Variants in TRIM5 observed in about 807,000 individuals in gnomAD.
TRIM5 encodes tripartite motif-containing protein 5.
TRIM5 carries 31 observed loss-of-function variants against 35.6 expected under a neutral mutation model. The ratio of observed to expected loss-of-function variants is 0.87; its 90% confidence interval spans 0.65 to 1.18. TRIM5 has a LOEUF of 1.18. TRIM5 is among the 50% of genes most tolerant of loss of function. The pLI is 0.00. For synonymous variants in TRIM5, 243 were observed against 215.6 expected (o/e 1.13, Z -1.11); for missense variants, 609 against 591.6 (o/e 1.03, Z -0.31).
At chr11:5,617,643 C>A in the TRIM5 span, among the ~76,000 whole-genome samples, 1 of 143,000 alleles carries the variant, frequency 7.0e-6, no homozygotes, top group Admixed American at 7.0e-5. Context: ...CATCAACCAC[C>A]ACGCCTGTCT....
the TRIM5 span, chr11:5,603,135 C>T: frequency 5.3e-6 from 8 of 1,495,856 alleles, no homozygotes; most frequent in East Asian, 1.8e-4. Context: ...GAATGAGAAG[C>T]CCTTGTTACC....
chr11:5,673,257 C>T (rs565519772), intron 4 of TRIM5, among the ~76,000 whole-genome samples: 6 of 152,040 alleles, frequency 3.9e-5, no homozygotes, highest in African/African-American at 1.4e-4. Context: ...AAGCAGTAAC[C>T]ATAAGACAAC....
chr11:5,681,193 A>T (rs1852417759), intron 1 of TRIM5, among the ~76,000 whole-genome samples: 1 of 152,216 alleles, frequency 6.6e-6, no homozygotes, highest in Non-Finnish European at 1.5e-5. Context: ...CTTGAGAGAG[A>T]AGTCTCAAAA....
At chr11:5,622,444 CAAAAAAA>C in the TRIM5 span, among the ~76,000 whole-genome samples, 11 of 116,438 alleles carry the variant, frequency 9.4e-5, no homozygotes, top group African/African-American at 3.6e-4. Flanking sequence ...GACTACCTCT[CAAAAAAA>C]AAAAAAAGAA....
chr11:5,595,756 C>G, the TRIM5 span, among the ~76,000 whole-genome samples: 952 of 149,422 alleles, frequency 6.4e-3, 14 homozygotes, highest in African/African-American at 0.022. Context: ...CTCGCTCTGT[C>G]TCCAGGCTGG....
At chr11:5,610,539 G>A in the TRIM5 span, 2 of 1,613,858 alleles carry the variant, frequency 1.2e-6, no homozygotes, top group Admixed American at 1.7e-5. Context: ...TTACAGAGCT[G>A]ACAGATGTCC....
At chr11:5,605,521 C>G in the TRIM5 span, 6 of 1,613,902 alleles carry the variant, frequency 3.7e-6, no homozygotes, top group Non-Finnish European at 5.1e-6. Flanking sequence ...GAGCTCATCT[C>G]GGATCTGGAG....
At chr11:5,654,329 ACT>A in the TRIM5 span, among the ~76,000 whole-genome samples, 1 of 152,068 alleles carries the variant, frequency 6.6e-6, no homozygotes, top group Non-Finnish European at 1.5e-5. Flanking sequence ...GCTTCAGATA[ACT>A]CTACAGTTTT....
At chr11:5,684,113 C>G (rs1852818091) in intron 1 of TRIM5, 1 of 167,752 alleles carries the variant, frequency 6.0e-6, no homozygotes, top group Admixed American at 6.4e-5. Flanking sequence ...AACTGTAACA[C>G]TCACTGCAAG....
intron 1 of TRIM5, among the ~76,000 whole-genome samples, chr11:5,680,980 C>T (rs995818345): frequency 6.6e-6 from 1 of 152,142 alleles, no homozygotes; most frequent in Non-Finnish European, 1.5e-5. Flanking sequence ...CCAATTAATA[C>T]CCAGAGCAAT....
the TRIM5 span, among the ~76,000 whole-genome samples, chr11:5,657,548 A>G: frequency 8.1e-6 from 1 of 123,102 alleles, no homozygotes; most frequent in Non-Finnish European, 1.6e-5. Context: ...TATATTATAT[A>G]TAATGCATTT....
At chr11:5,679,581 C>T (rs973584011) in intron 2 of TRIM5, among the ~76,000 whole-genome samples, 180 bp downstream of exon 2, 5 of 151,946 alleles carry the variant, frequency 3.3e-5, no homozygotes, top group Admixed American at 1.3e-4. Context: ...GATTATTCTC[C>T]TGTAATTGGG....
At chr11:5,644,149 G>A in the TRIM5 span, 1 of 400,134 alleles carries the variant, frequency 2.5e-6, no homozygotes. Flanking sequence ...GAATCAAGGA[G>A]AGGAAAATAT....
At chr11:5,681,945 C>G (rs60210271) in intron 1 of TRIM5, among the ~76,000 whole-genome samples, 2 of 151,598 alleles carry the variant, frequency 1.3e-5, no homozygotes, top group African/African-American at 4.9e-5. Context: ...ACCACAGGCA[C>G]GCACCACCAC....
chr11:5,629,346 T>C, the TRIM5 span, among the ~76,000 whole-genome samples: 1 of 152,204 alleles, frequency 6.6e-6, no homozygotes, highest in African/African-American at 2.4e-5. Context: ...TCATCTTAAC[T>C]TGATTACACC....
At chr11:5,596,503 C>G in the TRIM5 span, among the ~76,000 whole-genome samples, 2 of 121,564 alleles carry the variant, frequency 1.6e-5, no homozygotes, top group African/African-American at 3.2e-5. Context: ...CCCTTCCCCC[C>G]TTCCCCCGTT....
chr11:5,662,944 C>T (rs921146984), downstream of TRIM5, among the ~76,000 whole-genome samples: 1 of 152,090 alleles, frequency 6.6e-6, no homozygotes, highest in African/African-American at 2.4e-5. Context: ...GCCTGGGCAA[C>T]ATAGTGAAAC....
chr11:5,593,451 A>C, the TRIM5 span, among the ~76,000 whole-genome samples: 1 of 152,168 alleles, frequency 6.6e-6, no homozygotes. Context: ...TCTCCTGTGA[A>C]TATATTAGAG....
the TRIM5 span, among the ~76,000 whole-genome samples, chr11:5,640,031 G>T: frequency 6.6e-6 from 1 of 152,040 alleles, no homozygotes; most frequent in Non-Finnish European, 1.5e-5. Context: ...ATAAATTATT[G>T]TTGACTATAG....
Sources: gnomAD v4.1 joint callset for allele counts (sites outside exome capture counted in the v4.1 genomes callset) on GRCh38, gnomAD v4.1.1 for gene constraint, MANE v1.5 for transcripts, NCBI Gene and HGNC (gene_info 2026-07-23, HGNC 2026-07-21) for gene names.